TRIM58: variants seen among roughly 807,000 people sequenced by gnomAD.
TRIM58 encodes the protein tripartite motif containing 58.
In TRIM58, 38 loss-of-function variants were observed where a neutral mutation model predicts 34.1. The observed-to-expected ratio is 1.12, with a 90% CI of 0.86 to 1.46. The LOEUF is 1.46. TRIM58 is among the 40% of genes most tolerant of loss of function. The pLI is 0.00. For synonymous variants in TRIM58, 273 were observed against 275.7 expected (o/e 0.99, Z 0.10); for missense variants, 677 against 642.0 (o/e 1.05, Z -0.59).
chr1:247,861,501 G>C (rs1210630784), intron 2 of TRIM58, among the ~76,000 whole-genome samples: 1 of 152,134 alleles, frequency 6.6e-6, no homozygotes, highest in Non-Finnish European at 1.5e-5. Flanking sequence ...GATGTCAGTA[G>C]TGTCAAGATT....
In TRIM58 at chr1:247,879,851, C is replaced by A. The variant is rs1427252857; in HGVS notation, c.*3362C>A. Among the ~76,000 whole-genome samples, 1 of 151,920 alleles carries A rather than the reference C, an allele frequency of 6.6e-6. No individual in the cohort carries two copies. Among genetic ancestry groups the A allele is most frequent in the African/African-American group, 2.4e-5 (1 of 41,360 alleles). Reference sequence around the variant, plus strand: ...AGTGATACCACACAGCCCTACTCCCCCCAGAGCCCATCTAGAGCTCACCTT... The same window carrying A: ...AGTGATACCACACAGCCCTACTCCCACCAGAGCCCATCTAGAGCTCACCTT... On this transcript the variant is annotated 3_prime_UTR_variant, in exon 6 of 6. Coordinates refer to ENST00000366481, the MANE Select transcript of TRIM58 (RefSeq NM_015431.4).
At chr1:247,862,433 GT>G (rs1558349102) in intron 2 of TRIM58, among the ~76,000 whole-genome samples, 1 of 152,126 alleles carries the variant, frequency 6.6e-6, no homozygotes, top group Non-Finnish European at 1.5e-5. Flanking sequence ...TTTCGATTGG[GT>G]AGTGGCAATG....
chr1:247,861,574 A>G (rs997011218), intron 2 of TRIM58, among the ~76,000 whole-genome samples: 4 of 152,076 alleles, frequency 2.6e-5, no homozygotes, highest in Non-Finnish European at 5.9e-5. Flanking sequence ...ATTATATAAT[A>G]TGATATATAA....
chr1:247,857,888 C>T (rs1425394834), intron 1 of TRIM58, among the ~76,000 whole-genome samples: 3 of 152,178 alleles, frequency 2.0e-5, no homozygotes, highest in South Asian at 2.1e-4. Flanking sequence ...TTTACACCGT[C>T]CGCCCCTCCC....
chr1:247,857,320 A>C lies in TRIM58; in HGVS notation c.74A>C (p.Glu25Ala), dbSNP rs2103317725. Reference protein sequence around the residue: ...RCPVCLDFLQEPVSVDCGHSF... With the variant: ...RCPVCLDFLQAPVSVDCGHSF... ...CCGGTGTGCCTGGATTTCCTGCAGGAGCCGGTCAGCGTGGACTGCGGCCAC... is the reference window on the plus strand; with the variant it reads ...CCGGTGTGCCTGGATTTCCTGCAGGCGCCGGTCAGCGTGGACTGCGGCCAC... The change falls in exon 1 of 6, where the codon GAG (glutamate) becomes GCG (alanine). Residue 25 changes from glutamate (E) to alanine (A), a missense_variant. Transcript: ENST00000366481. 6.9e-7 allele frequency: 1 copy of C among 1,453,888 alleles called. No individual in the cohort carries two copies. Among genetic ancestry groups the C allele is most frequent in the African/African-American group, 1.5e-5 (1 of 68,532 alleles). The allele number at this position is 1,453,888 out of a possible 1,614,324, so 90.1% of individuals were successfully genotyped here.
chr1:247,860,819 C>T lies in TRIM58; in HGVS notation c.516+107C>T, dbSNP rs2103321900. The stretch of plus-strand genomic sequence containing the variant: ...TTCTCCAGCACTTTTGTTCCATCTC[C>T]ATATATGCCCAAGAGCACCTCAGAG... On this transcript the variant is annotated intron_variant, in intron 2 of 5. Coordinates refer to ENST00000366481, the MANE Select transcript of TRIM58 (RefSeq NM_015431.4). 3 of 824,398 alleles carry T rather than the reference C, an allele frequency of 3.6e-6. No homozygotes were observed. The East Asian group carries it at 7.8e-5, about 21-fold the overall frequency. 51.1% of individuals were successfully genotyped at this position (824,398 alleles called of 1,614,324 possible).
chr1:247,875,545 C>A (rs936914593), intron 5 of TRIM58, among the ~76,000 whole-genome samples: 1 of 144,120 alleles, frequency 6.9e-6, no homozygotes, highest in Non-Finnish European at 1.5e-5. Flanking sequence ...CTCTCTGTCT[C>A]TCTCTCTCTC....
In TRIM58 at chr1:247,864,802, A is replaced by G. The variant is rs1663881909; in HGVS notation, c.614A>G (p.Glu205Gly). 6.2e-7 allele frequency: 1 copy of G among 1,614,022 alleles called. No homozygotes were observed. Among genetic ancestry groups the G allele is most frequent in the Non-Finnish European group, 8.5e-7 (1 of 1,180,026 alleles). The change falls in exon 3 of 6, where the codon GAG becomes GGG. Residue 205 changes from glutamate to glycine, a missense_variant. Glu to Gly is a moderately conservative substitution (Grantham distance 98, BLOSUM62 -2). Coordinates refer to ENST00000366481, the MANE Select transcript of TRIM58 (RefSeq NM_015431.4). ...QEEQRQLRRL[E>G]AEERATLQRL... is the part of the protein sequence containing the mutation. The stretch of plus-strand genomic sequence containing the variant: ...GAGCAACGGCAGCTGAGGCGGCTGG[A>G]GGCGGAGGAGCGAGCGACGCTGCAG...
Position 247,876,406 on chromosome 1 carries a change from C to A in TRIM58, c.1378C>A (p.Pro460Thr). ...TGATGCAACTCCTCTTATCTTGCCA[C>A]CCACAACAATAGCAGGGTCAGGAAA... ...ICDATPLILP[P>T]TTIAGSGNWA... is the part of the protein sequence containing the mutation. Residue 460 changes from proline to threonine, a missense_variant, in exon 6 of 6, where the codon CCC (proline) becomes ACC (threonine). Transcript: ENST00000366481. 2 of 1,614,180 alleles carry A rather than the reference C, an allele frequency of 1.2e-6. No homozygotes were observed. Among genetic ancestry groups the A allele is most frequent in the Non-Finnish European group, 1.7e-6 (2 of 1,180,032 alleles).
chr1:247,874,300 A>G (rs576709409), intron 5 of TRIM58, among the ~76,000 whole-genome samples: 1 of 152,246 alleles, frequency 6.6e-6, no homozygotes, highest in Non-Finnish European at 1.5e-5. Flanking sequence ...GGCAAGAGGG[A>G]AGCAGTGAAG....
intron 5 of TRIM58, among the ~76,000 whole-genome samples, chr1:247,872,158 G>A (rs946172921): frequency 5.3e-5 from 8 of 152,194 alleles, no homozygotes; most frequent in African/African-American, 1.9e-4. Flanking sequence ...GAGCGAAATA[G>A]GACATAGTTG....
At chr1:247,859,318 A>T (rs1307827408) in intron 1 of TRIM58, among the ~76,000 whole-genome samples, 3 of 152,250 alleles carry the variant, frequency 2.0e-5, no homozygotes, top group Non-Finnish European at 4.4e-5. Flanking sequence ...ACAAGTGTCA[A>T]AGTGCTCCGT....
chr1:247,859,126 T>A (rs1333096689), intron 1 of TRIM58, among the ~76,000 whole-genome samples: 1 of 152,128 alleles, frequency 6.6e-6, no homozygotes, highest in Non-Finnish European at 1.5e-5. Flanking sequence ...ATAAATATTA[T>A]CTAAACTCCT....
At chr1:247,858,991 T>C (rs1663713642) in intron 1 of TRIM58, among the ~76,000 whole-genome samples, 1 of 152,100 alleles carries the variant, frequency 6.6e-6, no homozygotes, top group Non-Finnish European at 1.5e-5. Flanking sequence ...GGTCTTGAAC[T>C]CCTGACCTTG....
chr1:247,871,743 T>C (rs1002927304), intron 5 of TRIM58, among the ~76,000 whole-genome samples: 2 of 152,190 alleles, frequency 1.3e-5, no homozygotes, highest in Admixed American at 1.3e-4. Flanking sequence ...CTTTTAAACA[T>C]TGGAATATAT....
chr1:247,857,784 C>G (rs951898260), intron 1 of TRIM58, 118 bp downstream of exon 1: 7 of 1,178,702 alleles, frequency 5.9e-6, no homozygotes, highest in Middle Eastern at 3.4e-4. Context: ...CCGCTCCCCC[C>G]ACCGCGCGCC....
At chr1:247,865,999 G>C (rs190360066) in intron 3 of TRIM58, among the ~76,000 whole-genome samples, 55 of 152,172 alleles carry the variant, frequency 3.6e-4, no homozygotes, top group African/African-American at 1.3e-3. Flanking sequence ...TGAGGCAGGG[G>C]ACCATTAGAT....
chr1:247,858,319 G>GA (rs1663688975), intron 1 of TRIM58, among the ~76,000 whole-genome samples: 1 of 152,110 alleles, frequency 6.6e-6, no homozygotes, highest in African/African-American at 2.4e-5. Flanking sequence ...AGAGAAAGAA[G>GA]AAAAACAAAA....
In TRIM58 at chr1:247,877,178, A is replaced by G. The variant is rs922169232; in HGVS notation, c.*689A>G. On this transcript the variant is annotated 3_prime_UTR_variant, in exon 6 of 6. Transcript: ENST00000366481. ...AGCTCATTCTTCTGAATCTAATATC[A>G]CTAACTCCTAGACTTTTTCCGTTTT... 2.6e-5 allele frequency: 4 copies of G among 152,196 alleles called. No homozygotes were observed. Among genetic ancestry groups the G allele is most frequent in the African/African-American group, 9.7e-5 (4 of 41,440 alleles). The allele number at this position is 152,196 out of a possible 1,614,324, so 9.4% of individuals were successfully genotyped here.
Sources: allele counts gnomAD v4.1 joint callset (sites outside exome capture counted in the v4.1 genomes callset), GRCh38; gene constraint gnomAD v4.1.1; transcripts MANE v1.5; gene names NCBI Gene and HGNC (gene_info 2026-07-23, HGNC 2026-07-21).